Variants in HOOK3 observed in about 807,000 individuals in gnomAD.
HOOK3 encodes the protein hook microtubule tethering protein 3.
Under a neutral mutation model 116.3 loss-of-function variants are expected in HOOK3, and 24 were observed. That is an observed-to-expected ratio of 0.21 (90% CI 0.15 to 0.29). The LOEUF (loss-of-function observed/expected upper bound fraction) is 0.29, where lower values mean the gene tolerates loss of function less well. HOOK3 is among the 10% of genes least tolerant of loss of function. The pLI is 1.00. For synonymous variants in HOOK3, 275 were observed against 283.0 expected, an observed-to-expected ratio of 0.97 and a Z score of 0.28; for missense variants, 632 against 830.2, an observed-to-expected ratio of 0.76 and a Z score of 2.93.
intron 4 of HOOK3, among the ~76,000 whole-genome samples, chr8:42,941,517 C>CAAAAA (rs960451235): frequency 2.7e-4 from 12 of 44,046 alleles, no homozygotes; most frequent in Non-Finnish European, 4.6e-4. Flanking sequence ...GACTCCGTCT[C>CAAAAA]AAAAAAAAAA....
intron 3 of HOOK3, among the ~76,000 whole-genome samples, chr8:42,927,788 A>G (rs910113669): frequency 6.6e-6 from 1 of 152,100 alleles, no homozygotes; most frequent in Admixed American, 6.6e-5. Context: ...AAATTTTTGT[A>G]GGGATGAGGT....
In HOOK3 at chr8:42,937,837, A is replaced by G. The variant is rs554179866; in HGVS notation, c.268-5476A>G. Among the ~76,000 whole-genome samples the G allele has an allele frequency of 5.2e-4, 79 of 152,282 alleles. 1 individual carries two copies. The highest frequency in any genetic ancestry group is 1.7e-3 in the African/African-American group (72 of 41,560). ...TGTGGTCAATTTTAGAATAAGTGCA[A>G]TGTGGTGCTGAGAAGAATGTATATT... On this transcript the variant is annotated intron_variant, in intron 4 of 21. Transcript: ENST00000307602.
chr8:43,013,981 A>T (rs1809659492), intron 21 of HOOK3, among the ~76,000 whole-genome samples: 1 of 152,088 alleles, frequency 6.6e-6, no homozygotes, highest in African/African-American at 2.4e-5. Context: ...CAATAAGACC[A>T]CTTCTGCTTT....
intron 9 of HOOK3, among the ~76,000 whole-genome samples, chr8:42,964,718 T>G (rs1808599342): frequency 6.6e-6 from 1 of 151,546 alleles, no homozygotes; most frequent in Non-Finnish European, 1.5e-5. Flanking sequence ...TCCTAGCTAC[T>G]CGGGAGGCTG....
At chr8:42,942,184 G>A (rs1808140493) in intron 4 of HOOK3, among the ~76,000 whole-genome samples, 1 of 152,046 alleles carries the variant, frequency 6.6e-6, no homozygotes. Flanking sequence ...CTTGAACTTG[G>A]GAGGTTGCAG....
chr8:43,012,152 A>G (rs1809625749), intron 19 of HOOK3, among the ~76,000 whole-genome samples: 1 of 152,226 alleles, frequency 6.6e-6, no homozygotes, highest in Admixed American at 6.5e-5. Flanking sequence ...GTACAGACAC[A>G]TGTCATTTAA....
Position 43,019,114 on chromosome 8 carries a change from A to T in HOOK3, c.*616A>T. On this transcript the variant is annotated 3_prime_UTR_variant, in exon 22 of 22. Coordinates refer to ENST00000307602, the MANE Select transcript of HOOK3 (RefSeq NM_032410.4). ...GAGTTTTCACATTGTTTTATAGGAA[A>T]TTAAATTTGTCCAAAGATTTGGAGA... 4.8e-6 allele frequency: 1 copy of T among 208,254 alleles called. No individual in the cohort carries two copies. The highest frequency in any genetic ancestry group is 7.5e-5 in the East Asian group (1 of 13,330). 12.9% of individuals were successfully genotyped at this position (208,254 alleles called of 1,614,324 possible). A position where few individuals can be genotyped will look rare whatever the true frequency, so the allele number is the denominator to read the frequency against.
At chr8:42,981,361 T>C (rs934453445) in intron 13 of HOOK3, among the ~76,000 whole-genome samples, 12 of 152,000 alleles carry the variant, frequency 7.9e-5, no homozygotes, top group African/African-American at 2.9e-4. Flanking sequence ...CCAAAAATAG[T>C]GTTTCTTATA....
chr8:42,937,917 G>C (rs1252896583), intron 4 of HOOK3, among the ~76,000 whole-genome samples: 1 of 152,174 alleles, frequency 6.6e-6, no homozygotes, highest in South Asian at 2.1e-4. Context: ...GCTTGGTCCA[G>C]AGCTGAGTTC....
At chr8:42,906,126 G>C (rs768616342) in intron 1 of HOOK3, 47 bp from the exon 2 acceptor site, 30 of 939,246 alleles carry the variant, frequency 3.2e-5, no homozygotes, top group Admixed American at 1.2e-4. Context: ...ATTTTCTACA[G>C]AGGTAACCAC....
Position 42,946,475 on chromosome 8 carries a change from T to C in HOOK3, c.400+3030T>C, listed in dbSNP as rs1178530203. On this transcript the variant is annotated intron_variant, in intron 5 of 21. Transcript: ENST00000307602. ...AGGAGATAGGGGCTATTATAAATGA[T>C]GACAGCACAGTATGTTACTATTACT... 3.3e-5 allele frequency among the ~76,000 whole-genome samples: 5 copies of C among 152,246 alleles called. No homozygotes were observed. The East Asian group carries it at 9.6e-4, about 29-fold the overall frequency.
At chr8:42,932,643 C>T (rs1160658298) in intron 4 of HOOK3, among the ~76,000 whole-genome samples, 1 of 152,146 alleles carries the variant, frequency 6.6e-6, no homozygotes, top group Non-Finnish European at 1.5e-5. Context: ...CATAGCATCC[C>T]CTAGCCTGAG....
chr8:43,002,116 C>T lies in HOOK3; in HGVS notation c.1630C>T (p.Leu544=). ...QGSKAEDSVL[L]KKKLEEHLEK... ...TGTTTTTCATTTTTAGTCAGTCCTT[C>T]TAAAAAAGAAGCTTGAAGAACATCT... The change falls in exon 17 of 22, where the codon CTA becomes TTA. Residue 544 remains leucine (L), a synonymous_variant. Coordinates refer to ENST00000307602, the MANE Select transcript of HOOK3 (RefSeq NM_032410.4). The T allele has an allele frequency of 6.3e-7, 1 of 1,587,622 alleles. No homozygotes were observed. The highest frequency in any genetic ancestry group is 8.6e-7 in the Non-Finnish European group (1 of 1,156,540).
intron 2 of HOOK3, among the ~76,000 whole-genome samples, chr8:42,910,146 C>T (rs1018165186): frequency 1.3e-5 from 2 of 152,138 alleles, no homozygotes; most frequent in East Asian, 3.8e-4. Flanking sequence ...AATGTGTCCA[C>T]ATTGTATACG....
chr8:42,965,489 G>A (rs1158183729), intron 9 of HOOK3, among the ~76,000 whole-genome samples: 1 of 152,122 alleles, frequency 6.6e-6, no homozygotes, highest in East Asian at 1.9e-4. Context: ...CCTTTGGGTG[G>A]TGAAAGGAAA....
intron 13 of HOOK3, among the ~76,000 whole-genome samples, chr8:42,975,173 A>G (rs1808798715): frequency 6.6e-6 from 1 of 152,202 alleles, no homozygotes; most frequent in South Asian, 2.1e-4. Context: ...CTGTTTCCTA[A>G]CAATGAAAAC....
chr8:42,980,028 A>G (rs1808908953), intron 13 of HOOK3, among the ~76,000 whole-genome samples: 1 of 144,438 alleles, frequency 6.9e-6, no homozygotes, highest in African/African-American at 2.6e-5. Flanking sequence ...CAATGGTGCG[A>G]TCTCTGCTCA....
intron 4 of HOOK3, 102 bp downstream of exon 4, chr8:42,930,274 C>T: frequency 4.8e-6 from 5 of 1,036,772 alleles, no homozygotes; most frequent in Non-Finnish European, 6.6e-6. Flanking sequence ...AATTAATAAT[C>T]AGTTTGTCGT....
intron 2 of HOOK3, among the ~76,000 whole-genome samples, chr8:42,919,061 C>T (rs1447910296): frequency 1.2e-4 from 18 of 148,934 alleles, no homozygotes; most frequent in East Asian, 2.1e-4. Flanking sequence ...CCCCACCTCC[C>T]GGACGGGGCG....
Sources: gnomAD v4.1 joint callset for allele counts (sites outside exome capture counted in the v4.1 genomes callset) on GRCh38, gnomAD v4.1.1 for gene constraint, MANE v1.5 for transcripts, NCBI Gene and HGNC (gene_info 2026-07-23, HGNC 2026-07-21) for gene names.